Variants in CA10 observed in about 807,000 individuals in gnomAD.
CA10 encodes carbonic anhydrase-related protein 10.
Under a neutral mutation model 44.2 loss-of-function variants are expected in CA10, and 14 were observed. That is an observed-to-expected ratio of 0.32 (90% CI 0.21 to 0.50). The LOEUF (loss-of-function observed/expected upper bound fraction) is 0.50. Among genes scored for constraint, CA10 ranks in the 20% least tolerant of loss-of-function variants. The pLI, the probability that CA10 is intolerant of heterozygous loss-of-function variation, is 0.99. For missense variants in CA10, 350 were observed against 409.7 expected (o/e 0.85, Z 1.26); for synonymous variants, 159 against 141.6 (o/e 1.12, Z -0.87).
intron 3 of CA10, among the ~76,000 whole-genome samples, chr17:51,859,429 T>C (rs1221561111): frequency 6.6e-6 from 1 of 152,188 alleles, no homozygotes; most frequent in African/African-American, 2.4e-5. Context: ...GTTATCCTGT[T>C]CCCTCATATT....
At chr17:51,863,805 C>T (rs1598088062) in intron 3 of CA10, among the ~76,000 whole-genome samples, 1 of 152,134 alleles carries the variant, frequency 6.6e-6, no homozygotes, top group African/African-American at 2.4e-5. Flanking sequence ...TGTGAAACTC[C>T]CACCATCCTC....
At chr17:52,132,998 C>T (rs1343446447) in intron 1 of CA10, among the ~76,000 whole-genome samples, 2 of 152,112 alleles carry the variant, frequency 1.3e-5, no homozygotes, top group African/African-American at 4.8e-5. Flanking sequence ...GGACCATGGG[C>T]AGGCTGAGTA....
intron 2 of CA10, among the ~76,000 whole-genome samples, chr17:52,001,886 T>C (rs1029095094): frequency 1.3e-5 from 2 of 152,012 alleles, no homozygotes; most frequent in Non-Finnish European, 2.9e-5. Context: ...GAAGTCATTG[T>C]GCTGGAGAGC....
chr17:51,717,529 G>GTGTATATA (rs1259240238), intron 4 of CA10, among the ~76,000 whole-genome samples: 1 of 50,180 alleles, frequency 2.0e-5, no homozygotes, highest in African/African-American at 6.1e-5. Flanking sequence ...AAAGAAACTG[G>GTGTATATA]TATATATATA....
chr17:51,920,527 A>T (rs1982187382), intron 3 of CA10, among the ~76,000 whole-genome samples: 1 of 152,230 alleles, frequency 6.6e-6, no homozygotes, highest in Non-Finnish European at 1.5e-5. Context: ...CAGGAGGAGT[A>T]AAGAATGAGA....
chr17:51,790,814 C>T (rs1287057595), intron 3 of CA10, among the ~76,000 whole-genome samples: 3 of 152,156 alleles, frequency 2.0e-5, no homozygotes, highest in Non-Finnish European at 4.4e-5. Flanking sequence ...GAACTAAATG[C>T]CACTTTAAAG....
At chr17:51,878,517 T>G (rs1476223364) in intron 3 of CA10, among the ~76,000 whole-genome samples, 1 of 152,052 alleles carries the variant, frequency 6.6e-6, no homozygotes, top group Non-Finnish European at 1.5e-5. Context: ...TTGAAATGTA[T>G]CCCTGGCTCT....
chr17:51,993,152 T>G (rs1985104114), intron 2 of CA10, among the ~76,000 whole-genome samples: 1 of 152,096 alleles, frequency 6.6e-6, no homozygotes, highest in African/African-American at 2.4e-5. Context: ...TTGGCAGGAC[T>G]TTATTAAGTT....
At chr17:51,741,096 C>A (rs771299135) in intron 4 of CA10, among the ~76,000 whole-genome samples, 1 of 152,168 alleles carries the variant, frequency 6.6e-6, no homozygotes, top group Non-Finnish European at 1.5e-5. Context: ...TATTTGTTAA[C>A]TGGATGAATG....
intron 4 of CA10, among the ~76,000 whole-genome samples, chr17:51,693,703 A>T (rs1196852694): frequency 1.3e-5 from 2 of 152,154 alleles, no homozygotes; most frequent in African/African-American, 2.4e-5. Context: ...GTAGCATTTC[A>T]TGGTGTATAT....
At chr17:51,815,977 T>C (rs1907549771) in intron 3 of CA10, among the ~76,000 whole-genome samples, 2 of 152,186 alleles carry the variant, frequency 1.3e-5, no homozygotes, top group South Asian at 4.1e-4. Flanking sequence ...TAAATTTTTA[T>C]TGACCAAAGT....
intron 3 of CA10, among the ~76,000 whole-genome samples, chr17:51,752,583 G>A (rs1904925805): frequency 6.6e-6 from 1 of 151,932 alleles, no homozygotes; most frequent in Non-Finnish European, 1.5e-5. Flanking sequence ...CAAGACTAAT[G>A]ATCTCGATGT....
chr17:51,822,878 T>G (rs1907865921), intron 3 of CA10, among the ~76,000 whole-genome samples: 1 of 152,166 alleles, frequency 6.6e-6, no homozygotes, highest in African/African-American at 2.4e-5. Flanking sequence ...CATGATTCAT[T>G]TGTGAAATTT....
chr17:51,770,715 G>A (rs1905571752), intron 3 of CA10, among the ~76,000 whole-genome samples: 1 of 152,106 alleles, frequency 6.6e-6, no homozygotes, highest in Admixed American at 6.5e-5. Context: ...TGGATTCTGG[G>A]GAGGCCTCAG....
chr17:51,824,036 T>C (rs1242682678), intron 3 of CA10, among the ~76,000 whole-genome samples: 1 of 152,214 alleles, frequency 6.6e-6, no homozygotes, highest in Non-Finnish European at 1.5e-5. Flanking sequence ...TTACTGATCA[T>C]TGCTCTCTCA....
rs113461532 is a variant in CA10, at chr17:51,800,428, C to T, written c.280-52610G>A. 5.2e-3 allele frequency among the ~76,000 whole-genome samples: 788 copies of T among 152,006 alleles called. 8 individuals carry two copies. Among genetic ancestry groups the T allele is most frequent in the African/African-American group, 0.018 (745 of 41,446 alleles). On this transcript the variant is annotated intron_variant, in intron 3 of 8. Transcript: ENST00000451037. ...AAAATTGATCATGGTGGTGGTTGCACAACTCTGTGGATGTACAAAAAAAAC... is the reference window on the plus strand; with the variant it reads ...AAAATTGATCATGGTGGTGGTTGCATAACTCTGTGGATGTACAAAAAAAAC...
chr17:51,743,315 TTTC>T (rs1233186991), intron 4 of CA10, among the ~76,000 whole-genome samples: 1 of 152,256 alleles, frequency 6.6e-6, no homozygotes, highest in Non-Finnish European at 1.5e-5. Flanking sequence ...GCTAATGTAT[TTTC>T]TTCTTTTCAT....
chr17:51,917,683 G>A (rs1446812693), intron 3 of CA10, among the ~76,000 whole-genome samples: 1 of 152,136 alleles, frequency 6.6e-6, no homozygotes, highest in African/African-American at 2.4e-5. Flanking sequence ...TTAAACAACT[G>A]GACCTAGTGA....
At chr17:51,807,741 T>C (rs1354979090) in intron 3 of CA10, among the ~76,000 whole-genome samples, 2 of 152,230 alleles carry the variant, frequency 1.3e-5, no homozygotes, top group East Asian at 3.8e-4. Flanking sequence ...GATACAATGA[T>C]GTGCAAAAGA....
Sources: gnomAD v4.1 joint callset for allele counts (sites outside exome capture counted in the v4.1 genomes callset) on GRCh38, gnomAD v4.1.1 for gene constraint, MANE v1.5 for transcripts, NCBI Gene and HGNC (gene_info 2026-07-23, HGNC 2026-07-21) for gene names.